TRABD2B: variants seen among roughly 807,000 people sequenced by gnomAD.
The protein encoded by TRABD2B is TraB domain containing 2B, also known as metalloprotease TIKI2.
A neutral mutation model predicts 40.1 loss-of-function variants in TRABD2B; 14 were observed. The observed-to-expected ratio is 0.35, with a 90% CI of 0.23 to 0.55. The LOEUF (loss-of-function observed/expected upper bound fraction) is 0.55. TRABD2B is among the 20% of genes least tolerant of loss of function. The pLI, the probability that TRABD2B is intolerant of heterozygous loss-of-function variation, is 0.90. For synonymous variants in TRABD2B, 263 were observed against 277.0 expected (o/e 0.95, Z 0.50); for missense variants, 541 against 648.6 (o/e 0.83, Z 1.80).
At chr1:47,801,207 C>T (rs966786301) in intron 3 of TRABD2B, among the ~76,000 whole-genome samples, 1 of 152,172 alleles carries the variant, frequency 6.6e-6, no homozygotes, top group Non-Finnish European at 1.5e-5. Context: ...CCTGGTCTTA[C>T]AAGCTAAGTT....
Position 47,997,312 on chromosome 1 carries a change from G to C in TRABD2B, c.-523C>G. The C allele has an allele frequency of 1.3e-6, 1 of 768,344 alleles. No individual in the cohort carries two copies. The highest frequency in any genetic ancestry group is 1.6e-6 in the Non-Finnish European group (1 of 634,296). The allele number at this position is 768,344 out of a possible 1,614,324, so 47.6% of individuals were successfully genotyped here. On this transcript the variant is annotated 5_prime_UTR_variant, in exon 1 of 7. Coordinates refer to ENST00000606738, the MANE Select transcript of TRABD2B (RefSeq NM_001194986.2). The stretch of plus-strand genomic sequence containing the variant: ...CGGCTGCCCCCGAGCCCGGCTCAGA[G>C]GGGCGGCGGGCGGCCGCGCGGCCGC...
In TRABD2B at chr1:47,845,649, T is replaced by A. The variant is rs11806724; in HGVS notation, c.667-44030A>T. Among the ~76,000 whole-genome samples, 261 of 152,328 alleles carry A rather than the reference T, an allele frequency of 1.7e-3. 1 individual carries two copies. The highest frequency in any genetic ancestry group is 6.1e-3 in the African/African-American group (254 of 41,570). ...ATAATAAACTATCTCTCCTCAGGCATATGTGCAGCAAATTCATTATAGAGT... is the reference window on the plus strand; with the variant it reads ...ATAATAAACTATCTCTCCTCAGGCAAATGTGCAGCAAATTCATTATAGAGT... On this transcript the variant is annotated intron_variant, in intron 2 of 6. Transcript: ENST00000606738.
chr1:47,859,325 G>A (rs111807481), intron 2 of TRABD2B, among the ~76,000 whole-genome samples: 3,447 of 152,238 alleles, frequency 0.023, 133 homozygotes, highest in African/African-American at 0.078. Context: ...GCTGGGAAAC[G>A]GATAGGGCTA....
rs575179450 is a variant in TRABD2B, at chr1:47,856,915, G to A, written c.667-55296C>T. 1.4e-4 allele frequency among the ~76,000 whole-genome samples: 22 copies of A among 152,348 alleles called. No individual in the cohort carries two copies. The South Asian group carries it at 3.7e-3, about 26-fold the overall frequency. ...AAAAGGAAAAGGAAAACGTACTAGA[G>A]GCTGTCAGCCATTGATGTGCAGGAG... On this transcript the variant is annotated intron_variant, in intron 2 of 6. Transcript: ENST00000606738.
chr1:47,810,372 C>T (rs1029158651), intron 2 of TRABD2B, among the ~76,000 whole-genome samples: 1 of 152,018 alleles, frequency 6.6e-6, no homozygotes, highest in African/African-American at 2.4e-5. Flanking sequence ...CCCCTGCCCC[C>T]CCGCCACCCA....
chr1:47,992,506 T>C (rs1411107535), intron 2 of TRABD2B, among the ~76,000 whole-genome samples: 1 of 152,308 alleles, frequency 6.6e-6, no homozygotes, highest in South Asian at 2.1e-4. Context: ...AAAGAGAGTG[T>C]TGAGAGTGAT....
At chr1:47,771,221 C>T in intron 6 of TRABD2B, among the ~76,000 whole-genome samples, 1 of 150,468 alleles carries the variant, frequency 6.6e-6, no homozygotes, top group East Asian at 1.9e-4. Flanking sequence ...GAGGGAGACA[C>T]TGCGTCTCTT....
chr1:47,967,336 A>AACACACACAC (rs56776440), intron 2 of TRABD2B, among the ~76,000 whole-genome samples: 26 of 147,380 alleles, frequency 1.8e-4, no homozygotes, highest in African/African-American at 5.5e-4. Flanking sequence ...TAAGCAAGAA[A>AACACACACAC]ACACACACAC....
chr1:47,877,851 G>C (rs1308723360), intron 2 of TRABD2B, among the ~76,000 whole-genome samples: 1 of 152,048 alleles, frequency 6.6e-6, no homozygotes, highest in Non-Finnish European at 1.5e-5. Context: ...AATTAGCCGG[G>C]TGTGGTGGTG....
In TRABD2B at chr1:47,765,898, G is replaced by A. The variant is rs186353607; in HGVS notation, c.*4C>T. On this transcript the variant is annotated 3_prime_UTR_variant, in exon 7 of 7. Coordinates refer to ENST00000606738, the MANE Select transcript of TRABD2B (RefSeq NM_001194986.2). Reference sequence around the variant, plus strand: ...TCTGGCTTCTCCACTTGGGGTGGCCGAGGTCAGGAGGGCCCAAGGCTATGC... The same window carrying A: ...TCTGGCTTCTCCACTTGGGGTGGCCAAGGTCAGGAGGGCCCAAGGCTATGC... 5.1e-5 allele frequency: 36 copies of A among 702,948 alleles called. No homozygotes were observed. The East Asian group carries it at 7.5e-4, about 15-fold the overall frequency. 43.5% of individuals were successfully genotyped at this position (702,948 alleles called of 1,614,324 possible). A position where few individuals can be genotyped will look rare whatever the true frequency, so the allele number is the denominator to read the frequency against.
At chr1:47,934,543 C>T (rs1003571373) in intron 2 of TRABD2B, among the ~76,000 whole-genome samples, 1 of 152,256 alleles carries the variant, frequency 6.6e-6, no homozygotes, top group Non-Finnish European at 1.5e-5. Context: ...TGGATCTCCC[C>T]TCGCGTGAGC....
chr1:47,887,611 C>A (rs1162182844), intron 2 of TRABD2B, among the ~76,000 whole-genome samples: 1 of 152,140 alleles, frequency 6.6e-6, no homozygotes, highest in African/African-American at 2.4e-5. Flanking sequence ...CATGACAAAG[C>A]CAATGAACAG....
chr1:47,973,895 G>A (rs947363843), intron 2 of TRABD2B, among the ~76,000 whole-genome samples: 10 of 152,134 alleles, frequency 6.6e-5, no homozygotes, highest in African/African-American at 2.2e-4. Context: ...CTTGAGCTCC[G>A]GAGTTCGAGA....
intron 2 of TRABD2B, among the ~76,000 whole-genome samples, chr1:47,883,710 A>C (rs1644335486): frequency 6.6e-6 from 1 of 152,228 alleles, no homozygotes; most frequent in Non-Finnish European, 1.5e-5. Context: ...TGTTCCAACT[A>C]CAGGGAGGCA....
At chr1:47,852,494 G>A (rs909208331) in intron 2 of TRABD2B, among the ~76,000 whole-genome samples, 3 of 152,168 alleles carry the variant, frequency 2.0e-5, no homozygotes, top group Non-Finnish European at 4.4e-5. Flanking sequence ...ATGTGGCTGC[G>A]CAACGCCAAG....
chr1:47,851,686 T>C (rs533377477), intron 2 of TRABD2B, among the ~76,000 whole-genome samples: 33 of 152,324 alleles, frequency 2.2e-4, no homozygotes, highest in Non-Finnish European at 4.0e-4. Context: ...CAATCCCCAC[T>C]TCCCAGGGCC....
chr1:47,962,068 A>G (rs1045830201), intron 2 of TRABD2B, among the ~76,000 whole-genome samples: 5 of 152,180 alleles, frequency 3.3e-5, no homozygotes, highest in Non-Finnish European at 5.9e-5. Context: ...TTGTAGGGAC[A>G]TGGATGAAGC....
chr1:47,900,360 C>T (rs1426253837), intron 2 of TRABD2B, among the ~76,000 whole-genome samples: 4 of 152,262 alleles, frequency 2.6e-5, no homozygotes, highest in South Asian at 2.1e-4. Context: ...TGGCAGGAAC[C>T]GAGCAAGTGC....
At chr1:47,829,558 G>C (rs373707520) in intron 2 of TRABD2B, among the ~76,000 whole-genome samples, 2 of 152,008 alleles carry the variant, frequency 1.3e-5, no homozygotes, top group Non-Finnish European at 2.9e-5. Context: ...ACCACTCCCT[G>C]CCAGATCCCC....
Sources: gnomAD v4.1 joint callset for allele counts (sites outside exome capture counted in the v4.1 genomes callset) on GRCh38, gnomAD v4.1.1 for gene constraint, MANE v1.5 for transcripts, NCBI Gene and HGNC (gene_info 2026-07-23, HGNC 2026-07-21) for gene names.